Variants in OBP2B observed in about 807,000 individuals in gnomAD.
OBP2B encodes odorant-binding protein 2b.
OBP2B carries 10 observed loss-of-function variants against 21.7 expected under a neutral mutation model. That is an observed-to-expected ratio of 0.46 (90% confidence interval 0.28 to 0.78). OBP2B has a LOEUF of 0.78. OBP2B is among the 30% of genes least tolerant of loss of function. The probability of loss-of-function intolerance (pLI) is 0.11; values close to 1 mark genes in which losing one functional copy is unlikely to be tolerated. For missense variants in OBP2B, 153 were observed against 217.7 expected, an observed-to-expected ratio of 0.70 and a Z score of 1.87; for synonymous variants, 73 against 91.5, an observed-to-expected ratio of 0.80 and a Z score of 1.16.
chr9:133,221,597 C>G, the OBP2B span, among the ~76,000 whole-genome samples: 1 of 152,160 alleles, frequency 6.6e-6, no homozygotes, highest in East Asian at 1.9e-4. Flanking sequence ...CGGGGACTGC[C>G]TGACTGATCT....
chr9:133,209,462 G>A (rs1282984152), upstream of OBP2B, among the ~76,000 whole-genome samples: 1 of 152,102 alleles, frequency 6.6e-6, no homozygotes, highest in African/African-American at 2.4e-5. The surrounding 1 kb of genome is among the most constrained non-coding windows in gnomAD (Gnocchi z 6.0). Context: ...CCACCCGAAC[G>A]CGCCCACTCA....
chr9:133,207,737 C>G, intron 3 of OBP2B: 1 of 746,252 alleles, frequency 1.3e-6, no homozygotes, highest in Non-Finnish European at 2.1e-6. Flanking sequence ...GATCCCTAAC[C>G]CTTGGCCCCC....
the OBP2B span, among the ~76,000 whole-genome samples, chr9:133,221,825 G>C: frequency 6.6e-6 from 1 of 152,166 alleles, no homozygotes; most frequent in Non-Finnish European, 1.5e-5. Context: ...TGCTTAAGGA[G>C]TGGGACCATG....
the OBP2B span, among the ~76,000 whole-genome samples, chr9:133,215,311 A>C: frequency 7.2e-5 from 11 of 152,368 alleles, no homozygotes; most frequent in African/African-American, 2.6e-4. Flanking sequence ...TCCATGGATT[A>C]GGAGACTCAA....
chr9:133,208,470 T>C lies in OBP2B; in HGVS notation c.205A>G (p.Met69Val). ...GGCCCTGCAGTGGGCAACACTCACATGAAGGTGAACGTGGCTTCCAACTTC... is the reference window on the plus strand; with the variant it reads ...GGCCCTGCAGTGGGCAACACTCACACGAAGGTGAACGTGGCTTCCAACTTC... Reference protein sequence around the residue: ...GGKLEATFTFMREDRCIQKKI... With the variant: ...GGKLEATFTFVREDRCIQKKI... Residue 69 changes from methionine (M) to valine (V), a missense_variant and splice_region_variant, in exon 2 of 7, where the codon ATG becomes GTG. Around this residue, in one of 2 missense-constraint regions of OBP2B, gnomAD observed 151 missense variants for 186.3 expected, o/e 0.81. Transcript: ENST00000372034. 4.3e-6 allele frequency: 7 copies of C among 1,613,642 alleles called. No individual in the cohort carries two copies. Among genetic ancestry groups the C allele is most frequent in the Non-Finnish European group, 5.9e-6 (7 of 1,179,672 alleles).
chr9:133,205,357 C>T lies in OBP2B; in HGVS notation c.*56G>A. 2.6e-6 allele frequency: 4 copies of T among 1,531,832 alleles called. No homozygotes were observed. Among genetic ancestry groups the T allele is most frequent in the Admixed American group, 2.0e-5 (1 of 50,320 alleles). The allele number at this position is 1,531,832 out of a possible 1,614,324, so 94.9% of individuals were successfully genotyped here. A position where few individuals can be genotyped will look rare whatever the true frequency, so the allele number is the denominator to read the frequency against. ...TGGCTGGAGGGTAGGTCCAGGTGGTCCAGGCTCTGTGTCTGGTGGTAGGGT... is the reference window on the plus strand; with the variant it reads ...TGGCTGGAGGGTAGGTCCAGGTGGTTCAGGCTCTGTGTCTGGTGGTAGGGT... On this transcript the variant is annotated 3_prime_UTR_variant, in exon 7 of 7. Transcript: ENST00000372034.
chr9:133,214,636 C>A, the OBP2B span, among the ~76,000 whole-genome samples: 1 of 152,182 alleles, frequency 6.6e-6, no homozygotes, highest in African/African-American at 2.4e-5. Flanking sequence ...GTCTCTCTGC[C>A]TGGTTTGTTT....
upstream of OBP2B, among the ~76,000 whole-genome samples, chr9:133,213,948 T>C (rs1833945342): frequency 6.6e-6 from 1 of 152,118 alleles, no homozygotes; most frequent in African/African-American, 2.4e-5. Flanking sequence ...TGCAGAACAA[T>C]ATACCTCATG....
intron 3 of OBP2B, among the ~76,000 whole-genome samples, chr9:133,207,683 C>A (rs1454929468): frequency 1.4e-5 from 2 of 139,940 alleles, no homozygotes; most frequent in African/African-American, 6.0e-5. Flanking sequence ...TCGGCCTCCC[C>A]ATCCCTAACC....
At chr9:133,211,172 G>C (rs181940322), upstream of OBP2B, among the ~76,000 whole-genome samples, 1 of 149,868 alleles carries the variant, frequency 6.7e-6, no homozygotes, top group African/African-American at 2.4e-5. Flanking sequence ...ACCTAGACCA[G>C]AGCATGTGCT....
the OBP2B span, among the ~76,000 whole-genome samples, chr9:133,222,286 C>T: frequency 6.6e-6 from 1 of 152,242 alleles, no homozygotes; most frequent in South Asian, 2.1e-4. Context: ...AAATGCTTGC[C>T]TGAGAGCTCG....
chr9:133,208,784 C>T (rs1257093933), intron 1 of OBP2B, among the ~76,000 whole-genome samples, 182 bp from the exon 2 acceptor site: 4 of 152,100 alleles, frequency 2.6e-5, no homozygotes, highest in Admixed American at 6.5e-5. Flanking sequence ...GCCCCCTGCT[C>T]AGGGCTCCCA....
chr9:133,207,285 T>A lies in OBP2B; in HGVS notation c.329A>T (p.Tyr110Phe). ...GTGCTGGTCTTTGCAGTAAAAGATG[T>A]AGTGGTCCCTCCTGGGCAGCTCCTG... is the stretch of plus-strand genomic sequence containing the variant. ...YLQELPRRDH[Y>F]IFYCKDQHHG... The change falls in exon 4 of 7, where the codon TAC (tyrosine) becomes TTC (phenylalanine). Residue 110 changes from tyrosine to phenylalanine, a missense_variant. By Grantham distance (22) the Tyr-to-Phe change is conservative. Around this residue, in one of 2 missense-constraint regions of OBP2B, gnomAD observed 151 missense variants for 186.3 expected, o/e 0.81. Coordinates refer to ENST00000372034, the MANE Select transcript of OBP2B (RefSeq NM_014581.4). 1 of 1,613,858 alleles carries A rather than the reference T, an allele frequency of 6.2e-7. No individual in the cohort carries two copies. Among genetic ancestry groups the A allele is most frequent in the Non-Finnish European group, 8.5e-7 (1 of 1,179,842 alleles).
At chr9:133,209,306 G>T, upstream of OBP2B, 1 of 1,051,812 alleles carries the variant, frequency 9.5e-7, no homozygotes, top group Non-Finnish European at 1.4e-6. The surrounding 1 kb of genome is among the most constrained non-coding windows in gnomAD (Gnocchi z 6.0). Flanking sequence ...AGTGTCCTGG[G>T]AGCACGTGGC....
chr9:133,210,392 C>T (rs1342572667), upstream of OBP2B, among the ~76,000 whole-genome samples: 1 of 152,174 alleles, frequency 6.6e-6, no homozygotes, highest in African/African-American at 2.4e-5. Flanking sequence ...AACGAACGGG[C>T]TGGTGTGACC....
the OBP2B span, among the ~76,000 whole-genome samples, chr9:133,223,198 A>G: frequency 3.3e-5 from 5 of 152,234 alleles, no homozygotes; most frequent in Non-Finnish European, 5.9e-5. This position sits in a 1 kb window ranked among gnomAD's most constrained non-coding sequence, Gnocchi z 4.4. Context: ...ATGGCCCCAC[A>G]TAACATGGAG....
chr9:133,210,090 C>T (rs7032754), upstream of OBP2B, among the ~76,000 whole-genome samples: 6,125 of 152,218 alleles, frequency 0.04, 273 homozygotes, highest in African/African-American at 0.1. Context: ...CATGAGGCAC[C>T]AAGAGTCACC....
the OBP2B span, among the ~76,000 whole-genome samples, chr9:133,216,643 A>C: frequency 6.6e-6 from 1 of 152,206 alleles, no homozygotes; most frequent in Admixed American, 6.5e-5. Context: ...ATAGTTAAAC[A>C]GACTGTGGTA....
the OBP2B span, among the ~76,000 whole-genome samples, chr9:133,215,837 TTTTG>T: frequency 6.6e-6 from 1 of 152,224 alleles, no homozygotes; most frequent in African/African-American, 2.4e-5. Context: ...GGAAGATAGC[TTTTG>T]TAGCAAATGG....
Sources: allele counts gnomAD v4.1 joint callset (sites outside exome capture counted in the v4.1 genomes callset), GRCh38; gene constraint gnomAD v4.1.1; regional missense constraint gnomAD v4.1.1; non-coding constraint Gnocchi (gnomAD v3.1); transcripts MANE v1.5; gene names NCBI Gene and HGNC (gene_info 2026-07-23, HGNC 2026-07-21).